Variants in ICA1L observed in about 807,000 individuals in gnomAD.
ICA1L encodes the protein islet cell autoantigen 1 like.
In ICA1L, 50 loss-of-function variants were observed where a neutral mutation model predicts 61.3. That is an observed-to-expected ratio of 0.82 (90% confidence interval 0.65 to 1.03). The LOEUF is 1.03. ICA1L is among the 50% of genes least tolerant of loss of function. The pLI, the probability that ICA1L is intolerant of heterozygous loss-of-function variation, is 0.00. For missense variants in ICA1L, 508 were observed against 556.7 expected, an observed-to-expected ratio of 0.91 and a Z score of 0.88; for synonymous variants, 161 against 191.3, an observed-to-expected ratio of 0.84 and a Z score of 1.31.
At chr2:202,822,750 G>C (rs907118800) in intron 3 of ICA1L, among the ~76,000 whole-genome samples, 3 of 152,008 alleles carry the variant, frequency 2.0e-5, no homozygotes, top group African/African-American at 4.8e-5. Context: ...CTACTTGTGG[G>C]GCAGCAACAG....
At chr2:202,870,294 A>C (rs1687659333) in intron 1 of ICA1L, among the ~76,000 whole-genome samples, 1 of 152,040 alleles carries the variant, frequency 6.6e-6, no homozygotes, top group Admixed American at 6.5e-5. Context: ...TTTTTCCACC[A>C]GTTCTCATAT....
At chr2:202,782,915 GTATAAC>G (rs1463085661) in intron 12 of ICA1L, among the ~76,000 whole-genome samples, 2 of 152,100 alleles carry the variant, frequency 1.3e-5, no homozygotes, top group Non-Finnish European at 2.9e-5. Flanking sequence ...AAAAAGAAAA[GTATAAC>G]TATAAGTACT....
intron 8 of ICA1L, among the ~76,000 whole-genome samples, chr2:202,814,403 G>T (rs906713142): frequency 4.6e-5 from 7 of 152,106 alleles, no homozygotes; most frequent in Non-Finnish European, 8.8e-5. Flanking sequence ...CTTCCCCTTT[G>T]ACCTTTTCTG....
intron 8 of ICA1L, among the ~76,000 whole-genome samples, chr2:202,812,888 T>C (rs1693419419): frequency 6.6e-6 from 1 of 152,188 alleles, no homozygotes; most frequent in African/African-American, 2.4e-5. Flanking sequence ...TGAGAAGATT[T>C]TGAATAAAAC....
intron 11 of ICA1L, chr2:202,786,751 GA>G (rs1559126722): frequency 2.6e-6 from 1 of 391,708 alleles, no homozygotes; most frequent in East Asian, 7.3e-5. Flanking sequence ...GTACATGCAT[GA>G]TTTTTTTTTT....
intron 3 of ICA1L, among the ~76,000 whole-genome samples, chr2:202,824,407 A>C (rs1693779094): frequency 6.6e-6 from 1 of 152,148 alleles, no homozygotes; most frequent in Non-Finnish European, 1.5e-5. Context: ...CTCAAAAAAA[A>C]AAAATTCTGT....
intron 9 of ICA1L, among the ~76,000 whole-genome samples, chr2:202,807,368 T>G (rs567156531): frequency 6.6e-6 from 1 of 152,242 alleles, no homozygotes; most frequent in East Asian, 1.9e-4. Context: ...CTGCCACAGC[T>G]GAAAGCAACA....
At chr2:202,825,873 A>G (rs1693829863) in intron 2 of ICA1L, 106 bp from the exon 3 acceptor site, 2 of 612,862 alleles carry the variant, frequency 3.3e-6, no homozygotes, top group Non-Finnish European at 5.0e-6. Flanking sequence ...TGTCTGTTTT[A>G]AAAACATTAT....
intron 9 of ICA1L, among the ~76,000 whole-genome samples, chr2:202,801,873 C>A (rs1693093758): frequency 6.6e-6 from 1 of 152,176 alleles, no homozygotes; most frequent in Admixed American, 6.5e-5. Flanking sequence ...TTCCTTGACT[C>A]TGGGAAGAAG....
chr2:202,839,118 T>C (rs1283879243), intron 1 of ICA1L, among the ~76,000 whole-genome samples: 1 of 152,126 alleles, frequency 6.6e-6, no homozygotes, highest in East Asian at 1.9e-4. Flanking sequence ...GCACCTGATA[T>C]AATTATATCT....
chr2:202,867,111 A>G (rs1687539700), intron 1 of ICA1L, among the ~76,000 whole-genome samples: 1 of 152,202 alleles, frequency 6.6e-6, no homozygotes, highest in Non-Finnish European at 1.5e-5. Context: ...AGAAAATGAA[A>G]AGTTTGGAAG....
intron 1 of ICA1L, among the ~76,000 whole-genome samples, chr2:202,837,977 C>G (rs1379371403): frequency 6.6e-6 from 1 of 152,062 alleles, no homozygotes; most frequent in Non-Finnish European, 1.5e-5. Context: ...TCTCAGCCTC[C>G]CAAGGAGTTG....
chr2:202,834,290 T>C (rs1694089685), intron 1 of ICA1L, among the ~76,000 whole-genome samples: 1 of 152,194 alleles, frequency 6.6e-6, no homozygotes, highest in Admixed American at 6.5e-5. Context: ...CTGGTAAATA[T>C]AAGATTATTG....
chr2:202,833,019 C>T (rs997522364), intron 1 of ICA1L, among the ~76,000 whole-genome samples: 3 of 151,774 alleles, frequency 2.0e-5, no homozygotes, highest in Admixed American at 1.3e-4. Flanking sequence ...ACAAACCCCA[C>T]GCAGGATAAT....
intron 1 of ICA1L, among the ~76,000 whole-genome samples, chr2:202,834,185 G>C (rs945383594): frequency 6.6e-6 from 1 of 152,082 alleles, no homozygotes; most frequent in African/African-American, 2.4e-5. Context: ...AATTTTTGAA[G>C]TAAAATTTTA....
At chr2:202,851,415 T>G (rs1431995857) in intron 1 of ICA1L, among the ~76,000 whole-genome samples, 1 of 152,222 alleles carries the variant, frequency 6.6e-6, no homozygotes, top group African/African-American at 2.4e-5. Flanking sequence ...CTATCATTGA[T>G]GGACATTTGG....
chr2:202,848,453 G>A (rs775933161), intron 1 of ICA1L, among the ~76,000 whole-genome samples: 4 of 152,180 alleles, frequency 2.6e-5, no homozygotes, highest in Non-Finnish European at 5.9e-5. Context: ...CCAAGAACAT[G>A]TCCCAGCTCA....
intron 1 of ICA1L, among the ~76,000 whole-genome samples, chr2:202,865,696 C>T (rs1043967952): frequency 1.3e-5 from 2 of 152,092 alleles, no homozygotes; most frequent in African/African-American, 4.8e-5. Flanking sequence ...AGATCTAATG[C>T]AACAGATCTG....
chr2:202,853,592 T>A (rs1197539591), intron 1 of ICA1L, among the ~76,000 whole-genome samples: 3 of 151,390 alleles, frequency 2.0e-5, no homozygotes, highest in African/African-American at 7.3e-5. Flanking sequence ...TGGGAGAAAA[T>A]TTTTGCAATC....
Sources: allele counts gnomAD v4.1 joint callset (sites outside exome capture counted in the v4.1 genomes callset), GRCh38; gene constraint gnomAD v4.1.1; transcripts MANE v1.5; gene names NCBI Gene and HGNC (gene_info 2026-07-23, HGNC 2026-07-21).